Variants in ATXN8OS observed in about 807,000 individuals in gnomAD.
ATXN8OS encodes the protein ATXN8 opposite strand lncRNA, also known as ATXN8 opposite strand (non-protein coding).
At chr13:70,168,184 G>T (rs114630224) in intron 4 of ATXN8OS, among the ~76,000 whole-genome samples, 1 of 152,022 alleles carries the variant, frequency 6.6e-6, no homozygotes, top group Non-Finnish European at 1.5e-5. Context: ...AAAAAGGAAA[G>T]CAGTCAGCAG....
chr13:70,139,429 CA>C (rs1445979338), intron 3 of ATXN8OS: 2 of 770,102 alleles, frequency 2.6e-6, no homozygotes, highest in South Asian at 1.8e-5. Context: ...GCTGCTGCTG[CA>C]TTTTTTAAAA....
At chr13:70,119,291 T>C (rs1888325797) in intron 2 of ATXN8OS, among the ~76,000 whole-genome samples, 1 of 152,102 alleles carries the variant, frequency 6.6e-6, no homozygotes, top group African/African-American at 2.4e-5. Flanking sequence ...AATCACACAG[T>C]CAGCCCTACA....
chr13:70,120,695 C>T (rs1448909728), intron 2 of ATXN8OS, among the ~76,000 whole-genome samples: 1 of 152,124 alleles, frequency 6.6e-6, no homozygotes, highest in Non-Finnish European at 1.5e-5. Context: ...CAGTTCTCTG[C>T]TTTAAATAAA....
chr13:70,135,769 A>G, intron 3 of ATXN8OS, among the ~76,000 whole-genome samples: 1 of 152,314 alleles, frequency 6.6e-6, no homozygotes, highest in Non-Finnish European at 1.5e-5. Flanking sequence ...TCTGTCACTC[A>G]TTTTTTGATC....
chr13:70,137,274 T>A (rs981144467), intron 3 of ATXN8OS, among the ~76,000 whole-genome samples: 5 of 152,220 alleles, frequency 3.3e-5, no homozygotes, highest in African/African-American at 7.2e-5. Flanking sequence ...GTAGTTATCT[T>A]AACATTTCTG....
chr13:70,125,305 C>T (rs1387767967), intron 2 of ATXN8OS, among the ~76,000 whole-genome samples: 3 of 152,132 alleles, frequency 2.0e-5, no homozygotes, highest in African/African-American at 7.2e-5. Flanking sequence ...CTTCTATCCA[C>T]ATCACCCAAC....
At chr13:70,118,376 T>C (rs1482422112) in intron 2 of ATXN8OS, among the ~76,000 whole-genome samples, 2 of 152,060 alleles carry the variant, frequency 1.3e-5, no homozygotes, top group Non-Finnish European at 2.9e-5. Context: ...ACCTGACCAT[T>C]AATATTTATT....
chr13:70,118,823 T>A (rs761776693), intron 2 of ATXN8OS, among the ~76,000 whole-genome samples: 33 of 124,564 alleles, frequency 2.6e-4, no homozygotes, highest in Admixed American at 9.7e-5. Flanking sequence ...GATATACTCT[T>A]ACAGATATAT....
chr13:70,133,992 T>C (rs1888570892), intron 3 of ATXN8OS, among the ~76,000 whole-genome samples: 1 of 152,238 alleles, frequency 6.6e-6, no homozygotes, highest in Non-Finnish European at 1.5e-5. Flanking sequence ...AGTAAATTCC[T>C]TTGCCATTCT....
chr13:70,118,124 G>C (rs1440620237), intron 2 of ATXN8OS, among the ~76,000 whole-genome samples: 2 of 152,018 alleles, frequency 1.3e-5, no homozygotes, highest in African/African-American at 4.8e-5. Context: ...ATTTCAAGTA[G>C]GAGAACTGTA....
chr13:70,151,253 A>C (rs975127891), intron 4 of ATXN8OS, among the ~76,000 whole-genome samples: 1 of 152,140 alleles, frequency 6.6e-6, no homozygotes, highest in Non-Finnish European at 1.5e-5. Flanking sequence ...GAAATTATTT[A>C]TCTTGTAGAA....
At chr13:70,159,935 G>A (rs1439860140) in intron 4 of ATXN8OS, among the ~76,000 whole-genome samples, 1 of 152,168 alleles carries the variant, frequency 6.6e-6, no homozygotes, top group Non-Finnish European at 1.5e-5. Context: ...ATCGATTGAT[G>A]TGCATTTGGG....
At chr13:70,131,105 C>T (rs918567276) in intron 3 of ATXN8OS, 3 of 398,312 alleles carry the variant, frequency 7.5e-6, no homozygotes, top group Non-Finnish European at 1.3e-5. Flanking sequence ...CTGCTCTTCC[C>T]AATACATGTG....
chr13:70,157,106 C>T (rs585418), intron 4 of ATXN8OS, among the ~76,000 whole-genome samples: 135,085 of 152,150 alleles, frequency 0.89, 60,501 homozygotes, highest in Middle Eastern at 0.96. Context: ...GTTCTACCTT[C>T]CTAAAAGTTT....
At chr13:70,143,066 TAA>T (rs567043436) in intron 3 of ATXN8OS, among the ~76,000 whole-genome samples, 11 of 138,068 alleles carry the variant, frequency 8.0e-5, no homozygotes, top group Admixed American at 7.3e-5. Flanking sequence ...AAACTCCGTC[TAA>T]AAAAAAAAAA....
At chr13:70,169,844 C>A (rs1469875493) in exon 5 of ATXN8OS, among the ~76,000 whole-genome samples, 1 of 152,066 alleles carries the variant, frequency 6.6e-6, no homozygotes, top group Admixed American at 6.6e-5. Flanking sequence ...TGGTCCTTGC[C>A]TCTATTTGGG....
At chr13:70,136,949 A>C (rs1888624956) in intron 3 of ATXN8OS, among the ~76,000 whole-genome samples, 2 of 152,164 alleles carry the variant, frequency 1.3e-5, no homozygotes, top group African/African-American at 4.8e-5. Context: ...TCCAGTGTTT[A>C]GTTGCGATAC....
At chr13:70,144,603 TTAATA>T in intron 3 of ATXN8OS, among the ~76,000 whole-genome samples, 1 of 152,262 alleles carries the variant, frequency 6.6e-6, no homozygotes, top group East Asian at 1.9e-4. Context: ...TAACAGTCCT[TTAATA>T]TATCTTTCCC....
intron 4 of ATXN8OS, among the ~76,000 whole-genome samples, chr13:70,148,736 A>G (rs1888823383): frequency 6.6e-6 from 1 of 152,106 alleles, no homozygotes; most frequent in South Asian, 2.1e-4. Flanking sequence ...TTTCTAGGCA[A>G]GTGTTTTTAG....
Sources: allele counts gnomAD v4.1 joint callset (sites outside exome capture counted in the v4.1 genomes callset), GRCh38; gene constraint gnomAD v4.1.1; transcripts MANE v1.5; gene names NCBI Gene and HGNC (gene_info 2026-07-23, HGNC 2026-07-21).